The following SLC14A2 variants were observed in gnomAD, a reference collection of about 807,000 sequenced individuals.
The protein encoded by SLC14A2 is urea transporter 2.
A neutral mutation model predicts 104.6 loss-of-function variants in SLC14A2; 91 were observed. The observed-to-expected ratio is 0.87, with a 90% CI of 0.73 to 1.04. SLC14A2 has a LOEUF of 1.04. Among genes scored for constraint, SLC14A2 ranks in the 50% least tolerant of loss-of-function variants. SLC14A2 has a pLI of 0.00. For synonymous variants in SLC14A2, 476 were observed against 466.4 expected, an observed-to-expected ratio of 1.02 and a Z score of -0.27; for missense variants, 1,189 against 1,156.0, an observed-to-expected ratio of 1.03 and a Z score of -0.41.
At position 45,667,879 on chromosome 18, in the gene SLC14A2, A is replaced by G; in HGVS notation, c.1764A>G (p.Thr588=). The G allele has an allele frequency of 6.2e-7, 1 of 1,614,164 alleles. No homozygotes were observed. Among genetic ancestry groups the G allele is most frequent in the Non-Finnish European group, 8.5e-7 (1 of 1,180,002 alleles). The change falls in exon 14 of 20, where the codon ACA becomes ACG. Residue 588 remains threonine, a synonymous_variant. Coordinates refer to ENST00000255226, the MANE Select transcript of SLC14A2 (RefSeq NM_007163.4). ...FQFFDWVLRG[T]SQVMFVNNPL... ...TCTTTGACTGGGTCCTCCGAGGCAC[A>G]TCTCAAGTGATGTTTGTGAACAACC...
chr18:45,455,472 C>T (rs190455774), intron 1 of SLC14A2, among the ~76,000 whole-genome samples: 3 of 151,912 alleles, frequency 2.0e-5, no homozygotes, highest in South Asian at 4.2e-4. Flanking sequence ...GGGAGGGGAA[C>T]ATCACACACC....
intron 1 of SLC14A2, among the ~76,000 whole-genome samples, chr18:45,353,896 G>A (rs2085526291): frequency 6.6e-6 from 1 of 152,132 alleles, no homozygotes; most frequent in South Asian, 2.1e-4. Context: ...TAAACTAGTT[G>A]TTAATTGTTT....
At chr18:45,310,494 G>GCC (rs2085067701) in intron 1 of SLC14A2, among the ~76,000 whole-genome samples, 1 of 152,194 alleles carries the variant, frequency 6.6e-6, no homozygotes, top group Non-Finnish European at 1.5e-5. Context: ...GTTCAGACAA[G>GCC]AATACAAACT....
intron 1 of SLC14A2, among the ~76,000 whole-genome samples, chr18:45,281,002 C>T (rs568699124): frequency 1.1e-3 from 173 of 152,206 alleles, no homozygotes; most frequent in African/African-American, 3.9e-3. Context: ...CCCCTCCCAA[C>T]GTGCCAAGCC....
chr18:45,402,731 G>T (rs977722517), intron 1 of SLC14A2, among the ~76,000 whole-genome samples: 1 of 152,198 alleles, frequency 6.6e-6, no homozygotes, highest in African/African-American at 2.4e-5. Context: ...GAATTACTGG[G>T]AGGAGTTGGC....
At chr18:45,338,394 G>A (rs2085357609) in intron 1 of SLC14A2, among the ~76,000 whole-genome samples, 1 of 151,844 alleles carries the variant, frequency 6.6e-6, no homozygotes, top group Admixed American at 6.6e-5. Flanking sequence ...GTAGAGACAG[G>A]GTTTCACCCT....
intron 2 of SLC14A2, among the ~76,000 whole-genome samples, chr18:45,592,795 A>G (rs2044667272): frequency 6.6e-6 from 1 of 152,218 alleles, no homozygotes; most frequent in Admixed American, 6.5e-5. Context: ...GCCAAGCCCA[A>G]ATCCTTGCTC....
At position 45,669,483 on chromosome 18, in the gene SLC14A2, G is replaced by C; in HGVS notation, c.2214G>C (p.Glu738Asp). 5 of 1,613,578 alleles carry C rather than the reference G, an allele frequency of 3.1e-6. No homozygotes were observed. Among genetic ancestry groups the C allele is most frequent in the Non-Finnish European group, 4.2e-6 (5 of 1,179,606 alleles). The change falls in exon 16 of 20, where the codon GAG (glutamate) becomes GAC (aspartate). Residue 738 changes from glutamate to aspartate, a missense_variant. Coordinates refer to ENST00000255226, the MANE Select transcript of SLC14A2 (RefSeq NM_007163.4). ...CCATGCCCAACATCACCTGGTCAGA[G>C]GTCCAAGTGCCCTTGGTACGTATCA... The part of the protein sequence containing the change: ...ASAMPNITWS[E>D]VQVPLLLRAI...
chr18:45,606,767 A>T (rs1350671548), intron 2 of SLC14A2, among the ~76,000 whole-genome samples: 1 of 147,748 alleles, frequency 6.8e-6, no homozygotes, highest in Non-Finnish European at 1.5e-5. Flanking sequence ...AACAAAAAAA[A>T]AAAACACTGG....
intron 1 of SLC14A2, among the ~76,000 whole-genome samples, chr18:45,276,851 A>T (rs2084708039): frequency 6.6e-6 from 1 of 152,200 alleles, no homozygotes; most frequent in Non-Finnish European, 1.5e-5. Context: ...CCGACTTTCC[A>T]CTGTAGCCCT....
rs572516591 is a variant in SLC14A2 at position 45,582,791 on chromosome 18, G to C, written c.-34-41840G>C. The stretch of plus-strand genomic sequence containing the variant: ...TGTCACTGATGGGCATCTTCACATG[G>C]CATCTCCAATGTGACATACCCCTGG... On this transcript the variant is annotated intron_variant, in intron 2 of 20. Transcript: ENST00000586448. Among the ~76,000 whole-genome samples the C allele has an allele frequency of 5.9e-5, 9 of 152,158 alleles. No homozygotes were observed. In the East Asian group the frequency reaches 1.2e-3, roughly 20 times the overall value.
At chr18:45,216,252 T>C (rs2084009565) in intron 1 of SLC14A2, among the ~76,000 whole-genome samples, 1 of 152,194 alleles carries the variant, frequency 6.6e-6, no homozygotes, top group Non-Finnish European at 1.5e-5. Flanking sequence ...ATTTCAAGTA[T>C]AAATGCTCAA....
rs77540895 is a variant in SLC14A2 at position 45,358,127 on chromosome 18, A to C, written c.-124-125106A>C. On this transcript the variant is annotated intron_variant, in intron 1 of 20. Transcript: ENST00000586448. The stretch of plus-strand genomic sequence containing the variant: ...ATGAGGACTCAACATTAAATCTTCA[A>C]AAATTTGCCAGAGAGACTGAGTTGC... 1.5e-3 allele frequency among the ~76,000 whole-genome samples: 230 copies of C among 152,340 alleles called. 4 individuals are homozygous for C. In the East Asian group the frequency reaches 0.033, roughly 22 times the overall value.
the SLC14A2 span, among the ~76,000 whole-genome samples, chr18:45,191,912 G>T: frequency 2.6e-5 from 4 of 152,220 alleles, no homozygotes; most frequent in Non-Finnish European, 5.9e-5. Flanking sequence ...GTCCTAAGAG[G>T]AGTTAGGACA....
At chr18:45,637,766 CT>C (rs971364001) in intron 6 of SLC14A2, among the ~76,000 whole-genome samples, 13 of 152,264 alleles carry the variant, frequency 8.5e-5, no homozygotes, top group East Asian at 3.9e-4. Context: ...CCCTCTTTCT[CT>C]TTGAAACAAC....
chr18:45,615,850 A>T (rs1381739043), intron 1 of SLC14A2, among the ~76,000 whole-genome samples: 4 of 151,544 alleles, frequency 2.6e-5, no homozygotes, highest in African/African-American at 9.7e-5. Flanking sequence ...AGAGAGAGAG[A>T]GAGAGAGAGG....
At chr18:45,197,420 A>C in the SLC14A2 span, among the ~76,000 whole-genome samples, 2 of 152,204 alleles carry the variant, frequency 1.3e-5, no homozygotes, top group African/African-American at 4.8e-5. Flanking sequence ...AGTATCAGTC[A>C]ATAATATTCA....
At chr18:45,297,266 T>C (rs537089509) in intron 1 of SLC14A2, among the ~76,000 whole-genome samples, 2 of 152,360 alleles carry the variant, frequency 1.3e-5, no homozygotes, top group African/African-American at 4.8e-5. Context: ...CTGTGGTTTC[T>C]CTTGATATGT....
At chr18:45,614,370 T>G (rs942347533), upstream of SLC14A2, among the ~76,000 whole-genome samples, 3 of 152,152 alleles carry the variant, frequency 2.0e-5, no homozygotes, top group African/African-American at 7.2e-5. Flanking sequence ...AATGTGAAGT[T>G]GGAGCCCCCA....
Sources: allele counts gnomAD v4.1 joint callset (sites outside exome capture counted in the v4.1 genomes callset), GRCh38; gene constraint gnomAD v4.1.1; transcripts MANE v1.5; gene names NCBI Gene and HGNC (gene_info 2026-07-23, HGNC 2026-07-21).